Variants in PCDHGA9 observed in about 807,000 individuals in gnomAD.
The protein encoded by PCDHGA9 is protocadherin gamma-A9.
PCDHGA9 carries 37 observed loss-of-function variants against 62.5 expected under a neutral mutation model. The observed-to-expected ratio is 0.59, with a 90% CI of 0.46 to 0.78. PCDHGA9 has a LOEUF of 0.78. Ranked by LOEUF, PCDHGA9 falls within the 30% of genes least tolerant of loss-of-function variation. The probability of loss-of-function intolerance (pLI) is 0.00; values close to 1 mark genes in which losing one functional copy is unlikely to be tolerated. For synonymous variants in PCDHGA9, 459 were observed against 484.6 expected, an observed-to-expected ratio of 0.95 and a Z score of 0.69; for missense variants, 1,138 against 1,166.2, an observed-to-expected ratio of 0.98 and a Z score of 0.35.
rs969397099 is a variant in PCDHGA9, at chr5:141,477,807, C to T, written c.2425-17000C>T. 6.2e-6 allele frequency: 10 copies of T among 1,613,932 alleles called. No homozygotes were observed. Among genetic ancestry groups the T allele is most frequent in the African/African-American group, 1.3e-5 (1 of 74,922 alleles). ...TTTGTCACTGATCGCAATGACAATG[C>T]CCCCCAGGTCCTATATCCTCGGCCA... is the stretch of plus-strand genomic sequence containing the variant. On this transcript the variant is annotated intron_variant, in intron 1 of 3. Transcript: ENST00000573521. The surrounding 1 kb of genome is among the most constrained non-coding windows in gnomAD (Gnocchi z 4.9).
intron 1 of PCDHGA9, among the ~76,000 whole-genome samples, chr5:141,436,221 G>C (rs1468526543): frequency 6.6e-6 from 1 of 152,004 alleles, no homozygotes; most frequent in African/African-American, 2.4e-5. Context: ...CAAATGACTT[G>C]GGAAACTAAG....
Position 141,420,935 on chromosome 5 carries a change from A to G in PCDHGA9, c.2424+15559A>G, listed in dbSNP as rs542779087. ...GTGATTCACAAAGGTGAGCGTAATCATTTCTTCTGGAATTTCTTAGTCGTT... is the reference window on the plus strand; with the variant it reads ...GTGATTCACAAAGGTGAGCGTAATCGTTTCTTCTGGAATTTCTTAGTCGTT... On this transcript the variant is annotated intron_variant, in intron 1 of 3. Coordinates refer to ENST00000573521, the MANE Select transcript of PCDHGA9 (RefSeq NM_018921.3). 2.6e-5 allele frequency: 10 copies of G among 380,486 alleles called. 1 individual carries two copies. Among genetic ancestry groups the G allele is most frequent in the African/African-American group, 1.7e-4 (8 of 47,720 alleles). The allele number at this position is 380,486 out of a possible 1,614,324, so 23.6% of individuals were successfully genotyped here.
intron 1 of PCDHGA9, chr5:141,421,801 A>G (rs754191783): frequency 6.2e-7 from 1 of 1,613,858 alleles, no homozygotes; most frequent in Middle Eastern, 1.6e-4. Flanking sequence ...TGGGGCCAAG[A>G]ATCCAGAGCT....
intron 1 of PCDHGA9, chr5:141,410,095 C>T (rs2095356889): frequency 1.2e-6 from 2 of 1,612,676 alleles, no homozygotes; most frequent in Non-Finnish European, 1.7e-6. Flanking sequence ...CGGCTCGAGC[C>T]TTAGGCGACA....
chr5:141,433,837 C>CAAAAAAAAA (rs56191208), intron 1 of PCDHGA9, among the ~76,000 whole-genome samples: 1 of 111,704 alleles, frequency 9.0e-6, no homozygotes, highest in Non-Finnish European at 1.9e-5. Flanking sequence ...AACTCTATCT[C>CAAAAAAAAA]AAAAAAAAAA....
At position 141,491,687 on chromosome 5, in the gene PCDHGA9, G is replaced by T. The variant is rs946829558; in HGVS notation, c.2425-3120G>T. 6.2e-7 allele frequency: 1 copy of T among 1,613,072 alleles called. No individual in the cohort carries two copies. Among genetic ancestry groups the T allele is most frequent in the African/African-American group, 1.3e-5 (1 of 75,046 alleles). On this transcript the variant is annotated intron_variant, in intron 1 of 3. Transcript: ENST00000573521. This position sits in a 1 kb window ranked among gnomAD's most constrained non-coding sequence, Gnocchi z 6.9. ...ATCCGGTCCCGCTCTAATACGCTGC[G>T]GGAGCGGAGCCAGGTGAGGGGCTCG...
intron 1 of PCDHGA9, chr5:141,415,423 G>A: frequency 1.2e-6 from 2 of 1,614,204 alleles, no homozygotes; most frequent in Non-Finnish European, 1.7e-6. Context: ...CGTGGACGGG[G>A]TTCGGGCTTT....
intron 1 of PCDHGA9, chr5:141,419,942 G>A: frequency 6.2e-7 from 1 of 1,614,070 alleles, no homozygotes. Context: ...CCTGGTGGTG[G>A]CCTTGGCCTT....
chr5:141,405,459 A>T, intron 1 of PCDHGA9, 83 bp downstream of exon 1: 2 of 1,229,452 alleles, frequency 1.6e-6, no homozygotes, highest in Non-Finnish European at 2.3e-6. Flanking sequence ...TTACTCTGTT[A>T]CCCAGGCTGG....
rs762414791 is a variant in PCDHGA9 at position 141,418,601 on chromosome 5, A to G, written c.2424+13225A>G. The G allele has an allele frequency of 3.5e-5, 57 of 1,613,930 alleles. No individual in the cohort carries two copies. The highest frequency in any genetic ancestry group is 1.7e-6 in the Non-Finnish European group (2 of 1,179,902). On this transcript the variant is annotated intron_variant, in intron 1 of 3. Coordinates refer to ENST00000573521, the MANE Select transcript of PCDHGA9 (RefSeq NM_018921.3). ...CCCAGTGTTCAGCCAGGACGTGTAC[A>G]GGGTTAGCCTTCGGGAAGACGTGCC...
At chr5:141,456,687 A>G (rs1053490307) in intron 1 of PCDHGA9, among the ~76,000 whole-genome samples, 1 of 152,156 alleles carries the variant, frequency 6.6e-6, no homozygotes. Context: ...ATTACTGGCC[A>G]GGCGTGGTGG....
intron 1 of PCDHGA9, chr5:141,409,913 G>A: frequency 6.2e-7 from 1 of 1,613,334 alleles, no homozygotes; most frequent in South Asian, 1.1e-5. Flanking sequence ...GGGTCCTGAC[G>A]GCTCCGCGTT....
At chr5:141,415,395 CGGCTCGCACTTT>C (rs2095864519) in intron 1 of PCDHGA9, 2 of 1,614,092 alleles carry the variant, frequency 1.2e-6, no homozygotes. Flanking sequence ...CAGGTGTGTC[CGGCTCGCACTTT>C]GTGGGCGTGG....
chr5:141,409,345 A>T lies in PCDHGA9; in HGVS notation c.2424+3969A>T, dbSNP rs1012428329. 4 of 1,613,902 alleles carry T rather than the reference A, an allele frequency of 2.5e-6. No individual in the cohort carries two copies. In the African/African-American group the frequency reaches 5.3e-5, roughly 22 times the overall value. ...ATCTGGATTTCGGAGGAAATGGAGAAGTCAGGTGTAATATAGAAACAGACA... is the reference window on the plus strand; with the variant it reads ...ATCTGGATTTCGGAGGAAATGGAGATGTCAGGTGTAATATAGAAACAGACA... On this transcript the variant is annotated intron_variant, in intron 1 of 3. Transcript: ENST00000573521.
chr5:141,466,148 G>A (rs1201643685), intron 1 of PCDHGA9, among the ~76,000 whole-genome samples: 1 of 151,814 alleles, frequency 6.6e-6, no homozygotes, highest in Non-Finnish European at 1.5e-5. Flanking sequence ...GAAAACTCTG[G>A]TCTTAAACTG....
At position 141,470,884 on chromosome 5, in the gene PCDHGA9, G is replaced by T. The variant is rs2099243316; in HGVS notation, c.2425-23923G>T. 3.3e-5 allele frequency among the ~76,000 whole-genome samples: 5 copies of T among 151,648 alleles called. No individual in the cohort carries two copies. In the South Asian group the frequency reaches 1.0e-3, roughly 32 times the overall value. On this transcript the variant is annotated intron_variant, in intron 1 of 3. Coordinates refer to ENST00000573521, the MANE Select transcript of PCDHGA9 (RefSeq NM_018921.3). ...TTTGTTTGTTTGTTTTTTTGTTTTT[G>T]TTTTTGTTTTTTGTAGAGATGGGAC...
chr5:141,477,697 T>G lies in PCDHGA9; in HGVS notation c.2425-17110T>G, dbSNP rs745625196. ...TGTCATCCTTAGTGCCCCTAGACTA[T>G]GAGGATCGGCGGGAATTTGAATTAA... On this transcript the variant is annotated intron_variant, in intron 1 of 3. Coordinates refer to ENST00000573521, the MANE Select transcript of PCDHGA9 (RefSeq NM_018921.3). The surrounding 1 kb of genome is among the most constrained non-coding windows in gnomAD (Gnocchi z 4.9). 6.2e-7 allele frequency: 1 copy of G among 1,614,160 alleles called. No homozygotes were observed. Among genetic ancestry groups the G allele is most frequent in the South Asian group, 1.1e-5 (1 of 91,090 alleles).
chr5:141,413,218 A>C, intron 1 of PCDHGA9: 1 of 1,613,610 alleles, frequency 6.2e-7, no homozygotes, highest in Non-Finnish European at 8.5e-7. Context: ...AAAGGATTGC[A>C]GCGGGCTGGT....
In PCDHGA9 at chr5:141,489,185, T is replaced by G; in HGVS notation, c.2425-5622T>G. The G allele has an allele frequency of 7.8e-7, 1 of 1,286,838 alleles. No individual in the cohort carries two copies. The highest frequency in any genetic ancestry group is 1.5e-5 in the African/African-American group (1 of 67,216). 79.7% of individuals were successfully genotyped at this position (1,286,838 alleles called of 1,614,324 possible). On this transcript the variant is annotated intron_variant, in intron 1 of 3. Transcript: ENST00000573521. The surrounding 1 kb of genome is among the most constrained non-coding windows in gnomAD (Gnocchi z 4.5). The stretch of plus-strand genomic sequence containing the variant: ...CAGCTGCTGCATTCCAAGCCCTGGG[T>G]CTACCTTGGAGACAGGACAGCACAG...
Sources: allele counts gnomAD v4.1 joint callset (sites outside exome capture counted in the v4.1 genomes callset), GRCh38; gene constraint gnomAD v4.1.1; non-coding constraint Gnocchi (gnomAD v3.1); transcripts MANE v1.5; gene names NCBI Gene and HGNC (gene_info 2026-07-23, HGNC 2026-07-21).